ATL1: variants seen among roughly 807,000 people sequenced by gnomAD.
The protein encoded by ATL1 is atlastin-1.
A neutral mutation model predicts 75.5 loss-of-function variants in ATL1; 31 were observed. The observed-to-expected ratio is 0.41, with a 90% CI of 0.31 to 0.55. ATL1 has a LOEUF of 0.55. Among genes scored for constraint, ATL1 ranks in the 20% least tolerant of loss-of-function variants. ATL1 has a pLI of 0.27. For synonymous variants in ATL1, 226 were observed against 233.3 expected (o/e 0.97, Z 0.28); for missense variants, 405 against 662.6 (o/e 0.61, Z 4.27).
At chr14:50,630,412 A>T (rs559788623) in intron 13 of ATL1, among the ~76,000 whole-genome samples, 1 of 152,204 alleles carries the variant, frequency 6.6e-6, no homozygotes, top group Non-Finnish European at 1.5e-5. Context: ...AGTTGTTTTC[A>T]ACTTTGGCTT....
At position 50,632,335 on chromosome 14, in the gene ATL1, T is replaced by A. The variant is rs1351389277; in HGVS notation, c.1673T>A (p.Met558Lys). Reference sequence around the variant, plus strand: ...ACTGAACAATCAGAAAAGAAAAAAATGTAATGCAAATTTTAAGAAATACAG... The same window carrying A: ...ACTGAACAATCAGAAAAGAAAAAAAAGTAATGCAAATTTTAAGAAATACAG... ...ESTEQSEKKK[M>K] The change falls in exon 14 of 14, where the codon ATG becomes AAG. Residue 558 changes from methionine (M) to lysine (K), a missense_variant. Met to Lys is a moderately conservative substitution (Grantham distance 95). Around this residue, in one of 5 missense-constraint regions of ATL1, gnomAD observed 163 missense variants for 244.1 expected, o/e 0.67. Coordinates refer to ENST00000358385, the MANE Select transcript of ATL1 (RefSeq NM_015915.5). 2.1e-5 allele frequency: 34 copies of A among 1,600,596 alleles called. No homozygotes were observed. The highest frequency in any genetic ancestry group is 2.1e-5 in the Non-Finnish European group (25 of 1,168,198).
In ATL1 at chr14:50,628,205, T is replaced by C. The variant is rs1196837002; in HGVS notation, c.1294T>C (p.Tyr432His). Residue 432 changes from tyrosine (Y) to histidine (H), a missense_variant, in exon 12 of 14, where the codon TAT (tyrosine) becomes CAT (histidine). Physicochemically the swap from Tyr to His is moderately conservative, Grantham distance 83 (BLOSUM62 2). This residue lies in a region of ATL1 where 163 missense variants were observed against 244.1 expected (regional missense o/e 0.67). Coordinates refer to ENST00000358385, the MANE Select transcript of ATL1 (RefSeq NM_015915.5). ...TGAAATAGATGAACTTTACATCCAA[T>C]ATATCAAGCACAATGATAGCAAAAA... is the stretch of plus-strand genomic sequence containing the variant. ...ESEIDELYIQYIKHNDSKNIF... is the reference protein window; with the variant it reads ...ESEIDELYIQHIKHNDSKNIF... 4 of 1,614,166 alleles carry C rather than the reference T, an allele frequency of 2.5e-6. No homozygotes were observed. The highest frequency in any genetic ancestry group is 2.2e-5 in the South Asian group (2 of 91,084).
chr14:50,559,556 T>G (rs1446480134), upstream of ATL1: 1 of 152,274 alleles, frequency 6.6e-6, no homozygotes, highest in Non-Finnish European at 1.5e-5. Context: ...GACCTTATCT[T>G]TGCAAATCTA....
At chr14:50,553,302 A>G (rs1264860362) in intron 1 of ATL1, among the ~76,000 whole-genome samples, 1 of 151,904 alleles carries the variant, frequency 6.6e-6, no homozygotes, top group Non-Finnish European at 1.5e-5. Flanking sequence ...AAAGGACATG[A>G]ATAGACAATT....
At chr14:50,583,279 T>A (rs1595595119) in intron 1 of ATL1, among the ~76,000 whole-genome samples, 1 of 152,350 alleles carries the variant, frequency 6.6e-6, no homozygotes, top group East Asian at 1.9e-4. Context: ...AGTTGGAAAC[T>A]GTCATTATTT....
intron 8 of ATL1, 64 bp from the exon 9 acceptor site, chr14:50,620,535 A>T: frequency 6.5e-7 from 1 of 1,545,396 alleles, no homozygotes; most frequent in Non-Finnish European, 8.9e-7. Flanking sequence ...AGGATGTTTT[A>T]TTCTGTGGCA....
intron 1 of ATL1, among the ~76,000 whole-genome samples, chr14:50,582,798 C>T (rs1489275275): frequency 6.6e-6 from 1 of 152,070 alleles, no homozygotes; most frequent in East Asian, 1.9e-4. Flanking sequence ...AAAGGAAAGT[C>T]ATAGGCAACT....
rs181787729 is a variant in ATL1, at chr14:50,593,788, G to A, written c.523-58G>A. The stretch of plus-strand genomic sequence containing the variant: ...ATTTTTAAAAGTAGGGAATGATGAA[G>A]TAAGTGCTTAGGATGATGCCAGTTA... On this transcript the variant is annotated intron_variant, in intron 4 of 13. Transcript: ENST00000358385. 1.1e-5 allele frequency: 12 copies of A among 1,122,272 alleles called. No homozygotes were observed. The East Asian group carries it at 2.8e-4, about 27-fold the overall frequency. 69.5% of individuals were successfully genotyped at this position (1,122,272 alleles called of 1,614,324 possible).
intron 12 of ATL1, 64 bp downstream of exon 12, chr14:50,628,526 C>T: frequency 1.3e-6 from 2 of 1,506,756 alleles, no homozygotes; most frequent in African/African-American, 1.4e-5. Flanking sequence ...ATGTGCCAGC[C>T]ACTGCATTAG....
intron 1 of ATL1, among the ~76,000 whole-genome samples, chr14:50,577,284 A>G (rs968281565): frequency 6.6e-6 from 1 of 152,102 alleles, no homozygotes; most frequent in African/African-American, 2.4e-5. Flanking sequence ...GGACGATCTC[A>G]ATCTCCTGAC....
At chr14:50,627,138 C>T (rs1380435805) in intron 11 of ATL1, among the ~76,000 whole-genome samples, 2 of 152,222 alleles carry the variant, frequency 1.3e-5, no homozygotes, top group Admixed American at 6.5e-5. Context: ...CCTTCAGCAA[C>T]ACCACCCTAA....
At chr14:50,568,040 G>A (rs905525913) in intron 1 of ATL1, among the ~76,000 whole-genome samples, 2 of 152,076 alleles carry the variant, frequency 1.3e-5, no homozygotes, top group Admixed American at 6.6e-5. Context: ...TTCTTTGCAC[G>A]TCTTTATTTC....
chr14:50,533,640 C>T (rs760858451), intron 1 of ATL1, among the ~76,000 whole-genome samples: 1 of 152,048 alleles, frequency 6.6e-6, no homozygotes, highest in Non-Finnish European at 1.5e-5. Context: ...ACAGAAAAGC[C>T]AGATAACACT....
exon 1 of ATL1, chr14:50,533,112 C>G (rs145962477): frequency 6.6e-6 from 1 of 152,438 alleles, no homozygotes; most frequent in Admixed American, 6.5e-5. Context: ...ACCTGCACAA[C>G]CTGCCTTCTA....
intron 1 of ATL1, among the ~76,000 whole-genome samples, chr14:50,552,011 G>A (rs907784822): frequency 7.2e-5 from 11 of 152,164 alleles, no homozygotes; most frequent in African/African-American, 2.4e-4. Context: ...ATCCTAGCCA[G>A]AGCAGTCAGA....
chr14:50,574,155 A>T (rs1259140264), intron 1 of ATL1, among the ~76,000 whole-genome samples: 1 of 152,158 alleles, frequency 6.6e-6, no homozygotes, highest in Non-Finnish European at 1.5e-5. Context: ...AAGCTCTATC[A>T]CATATTTCTT....
At chr14:50,589,515 T>C (rs2039135508) in intron 2 of ATL1, among the ~76,000 whole-genome samples, 1 of 152,174 alleles carries the variant, frequency 6.6e-6, no homozygotes, top group Admixed American at 6.5e-5. Context: ...CAAAAGTAAC[T>C]GGAGAAAGCT....
At chr14:50,572,142 G>T (rs1052938348) in intron 1 of ATL1, 1 of 399,846 alleles carries the variant, frequency 2.5e-6, no homozygotes, top group Non-Finnish European at 4.8e-6. Context: ...TTTGCTCATG[G>T]TGTCTTTTCC....
At chr14:50,630,403 G>A (rs2039568696) in intron 13 of ATL1, among the ~76,000 whole-genome samples, 1 of 152,218 alleles carries the variant, frequency 6.6e-6, no homozygotes, top group African/African-American at 2.4e-5. Flanking sequence ...ACCTTTAGAA[G>A]TTGTTTTCAA....
Sources: gnomAD v4.1 joint callset for allele counts (sites outside exome capture counted in the v4.1 genomes callset) on GRCh38, gnomAD v4.1.1 for gene constraint, gnomAD v4.1.1 regional missense constraint, MANE v1.5 for transcripts, NCBI Gene and HGNC (gene_info 2026-07-23, HGNC 2026-07-21) for gene names.